Variants in MREG observed in about 807,000 individuals in gnomAD.
MREG encodes the protein melanoregulin.
A neutral mutation model predicts 28.5 loss-of-function variants in MREG; 31 were observed. The ratio of observed to expected loss-of-function variants is 1.09; its 90% CI spans 0.82 to 1.47. MREG has a LOEUF of 1.47. Ranked by LOEUF, MREG falls within the 40% of genes most tolerant of loss-of-function variation. The pLI is 0.00. For synonymous variants in MREG, 106 were observed against 95.2 expected (o/e 1.11, Z -0.66); for missense variants, 256 against 257.4 (o/e 0.99, Z 0.04).
At position 215,943,003 on chromosome 2, in the gene MREG, A is replaced by G. The variant is rs8911; in HGVS notation, c.*1860T>C. On this transcript the variant is annotated 3_prime_UTR_variant, in exon 5 of 5. Coordinates refer to ENST00000263268, the MANE Select transcript of MREG (RefSeq NM_018000.3). The stretch of plus-strand genomic sequence containing the variant: ...TGAAACACAGCAGTTAAATTGGTCT[A>G]CAATGCATTAATAAATGGAGAACAC... 27,613 of 153,730 alleles carry G rather than the reference A, an allele frequency of 0.18. 2,639 individuals carry two copies. The highest frequency in any genetic ancestry group is 0.27 in the Middle Eastern group (78 of 294). 9.5% of individuals were successfully genotyped at this position (153,730 alleles called of 1,614,324 possible). A position where few individuals can be genotyped will look rare whatever the true frequency, so the allele number is the denominator to read the frequency against.
At position 216,004,000 on chromosome 2, in the gene MREG, T is replaced by C. The variant is rs571909301; in HGVS notation, c.96-7535A>G. Among the ~76,000 whole-genome samples the C allele has an allele frequency of 6.6e-5, 10 of 152,282 alleles. No homozygotes were observed. In the South Asian group the frequency reaches 2.1e-3, roughly 32 times the overall value. On this transcript the variant is annotated intron_variant, in intron 1 of 4. Transcript: ENST00000263268. Reference sequence around the variant, plus strand: ...CAAAACCTGCCAGTGGCTAACCCATTTGGCCTAGAGGATAAGCCAAAGTCC... The same window carrying C: ...CAAAACCTGCCAGTGGCTAACCCATCTGGCCTAGAGGATAAGCCAAAGTCC...
chr2:215,979,223 GA>G (rs1204389934), intron 2 of MREG, among the ~76,000 whole-genome samples: 10 of 152,256 alleles, frequency 6.6e-5, no homozygotes, highest in African/African-American at 2.4e-4. Flanking sequence ...CAGCACTTTG[GA>G]AGGCCGAGGT....
At chr2:216,018,885 C>A (rs977498255) in intron 1 of MREG, among the ~76,000 whole-genome samples, 21 of 152,218 alleles carry the variant, frequency 1.4e-4, no homozygotes, top group African/African-American at 5.1e-4. Context: ...ACCCCTAACC[C>A]TCAACAGGAA....
upstream of MREG, among the ~76,000 whole-genome samples, chr2:216,017,671 C>T (rs1194691001): frequency 6.6e-6 from 1 of 152,166 alleles, no homozygotes; most frequent in East Asian, 1.9e-4. Flanking sequence ...GACCCATCAG[C>T]TGCTTGTTTC....
chr2:215,957,410 C>G (rs1692653180), intron 2 of MREG, among the ~76,000 whole-genome samples: 1 of 152,112 alleles, frequency 6.6e-6, no homozygotes, highest in South Asian at 2.1e-4. Context: ...TCCAGCCCCT[C>G]CTACTTTTCC....
At chr2:216,026,606 C>T (rs746105054) in intron 1 of MREG, among the ~76,000 whole-genome samples, 4 of 152,130 alleles carry the variant, frequency 2.6e-5, no homozygotes, top group Non-Finnish European at 4.4e-5. Flanking sequence ...AGCAATCCAC[C>T]CGCCTCTGCC....
chr2:216,003,806 C>T (rs926550751), intron 1 of MREG, among the ~76,000 whole-genome samples: 3 of 152,180 alleles, frequency 2.0e-5, no homozygotes, highest in Non-Finnish European at 4.4e-5. Flanking sequence ...TATTGGTCCA[C>T]ATTCAAAAAA....
At chr2:215,977,944 G>A (rs1008695655) in intron 2 of MREG, among the ~76,000 whole-genome samples, 6 of 152,074 alleles carry the variant, frequency 3.9e-5, no homozygotes, top group Non-Finnish European at 7.4e-5. Flanking sequence ...ATCTAAAATC[G>A]ATACCCTAAC....
intron 2 of MREG, among the ~76,000 whole-genome samples, chr2:215,970,969 C>A (rs1206952827): frequency 6.6e-6 from 1 of 152,078 alleles, no homozygotes; most frequent in Non-Finnish European, 1.5e-5. Context: ...AGAATGAGTT[C>A]ATCCATGTCC....
chr2:215,946,963 T>C (rs1051569822), intron 3 of MREG, 60 bp downstream of exon 3: 10 of 984,898 alleles, frequency 1.0e-5, no homozygotes, highest in African/African-American at 4.8e-5. Context: ...GGTGGAGAAA[T>C]TGAAGAATAA....
intron 1 of MREG, among the ~76,000 whole-genome samples, chr2:216,020,781 A>T (rs1004862493): frequency 1.3e-5 from 2 of 152,198 alleles, no homozygotes; most frequent in African/African-American, 4.8e-5. Flanking sequence ...AATGGACAGA[A>T]AGGACCCCAC....
chr2:216,026,356 T>C (rs1022843829), intron 1 of MREG, among the ~76,000 whole-genome samples: 2 of 143,450 alleles, frequency 1.4e-5, no homozygotes, highest in Non-Finnish European at 3.0e-5. Context: ...CCATTGTGTT[T>C]ATTTATTTAT....
At chr2:216,025,827 C>T (rs1180671413) in intron 1 of MREG, among the ~76,000 whole-genome samples, 3 of 152,214 alleles carry the variant, frequency 2.0e-5, no homozygotes, top group Non-Finnish European at 4.4e-5. Flanking sequence ...GAAATCCATC[C>T]GTGTGGGCAG....
chr2:215,961,806 G>A (rs1041032625), intron 2 of MREG, among the ~76,000 whole-genome samples: 17 of 152,084 alleles, frequency 1.1e-4, no homozygotes, highest in Admixed American at 9.8e-4. Context: ...TCAAGTTCAC[G>A]ATCCCCCTAG....
chr2:216,015,106 T>TGTGTGTGTGCACGC (rs1694414343), upstream of MREG, among the ~76,000 whole-genome samples: 2 of 75,972 alleles, frequency 2.6e-5, no homozygotes, highest in East Asian at 1.0e-3. Context: ...GAGAGCGGGG[T>TGTGTGTGTGCACGC]GTGTGTGTGC....
At chr2:216,012,333 G>T (rs1283420818) in intron 1 of MREG, among the ~76,000 whole-genome samples, 2 of 152,152 alleles carry the variant, frequency 1.3e-5, no homozygotes, top group Admixed American at 1.3e-4. Context: ...CAAAGTCAAG[G>T]GGGTGTTTGG....
At chr2:215,949,077 ACTACTAC>A (rs748306170) in intron 2 of MREG, among the ~76,000 whole-genome samples, 2,446 of 119,408 alleles carry the variant, frequency 0.02, 32 homozygotes, top group Non-Finnish European at 0.028. Flanking sequence ...TACTACTACT[ACTACTAC>A]TACTAATAAT....
intron 2 of MREG, among the ~76,000 whole-genome samples, chr2:215,985,604 T>C (rs1368212580): frequency 6.6e-6 from 1 of 152,228 alleles, no homozygotes; most frequent in African/African-American, 2.4e-5. Flanking sequence ...TATATATTTT[T>C]TTCCTGACTT....
intron 2 of MREG, among the ~76,000 whole-genome samples, chr2:215,979,900 A>G (rs1180892648): frequency 1.3e-5 from 2 of 151,504 alleles, no homozygotes; most frequent in South Asian, 2.1e-4. Flanking sequence ...TTTTAAAGAT[A>G]AAAGCTTTGA....
Sources: gnomAD v4.1 joint callset for allele counts (sites outside exome capture counted in the v4.1 genomes callset) on GRCh38, gnomAD v4.1.1 for gene constraint, MANE v1.5 for transcripts, NCBI Gene and HGNC (gene_info 2026-07-23, HGNC 2026-07-21) for gene names.